CELF3: variants seen among roughly 807,000 people sequenced by gnomAD.
CELF3 encodes the protein CAG repeat domain.
CELF3 carries 26 observed loss-of-function variants against 59.6 expected under a neutral mutation model. The ratio of observed to expected loss-of-function variants is 0.44; its 90% CI spans 0.32 to 0.61. The LOEUF (loss-of-function observed/expected upper bound fraction) is 0.61. Ranked by LOEUF, CELF3 falls within the 20% of genes least tolerant of loss-of-function variation. CELF3 has a pLI of 0.06. For synonymous variants in CELF3, 245 were observed against 250.7 expected, an observed-to-expected ratio of 0.98 and a Z score of 0.22; for missense variants, 387 against 627.2, an observed-to-expected ratio of 0.62 and a Z score of 4.09.
At chr1:151,707,999 C>G in intron 5 of CELF3, 64 bp from the exon 6 acceptor site, 1 of 1,532,438 alleles carries the variant, frequency 6.5e-7, no homozygotes, top group Non-Finnish European at 8.8e-7. Flanking sequence ...CCAAAGCCCT[C>G]AGGACCTGGT....
chr1:151,708,005 C>G, intron 5 of CELF3, 70 bp from the exon 6 acceptor site: 1 of 1,518,460 alleles, frequency 6.6e-7, no homozygotes, highest in Non-Finnish European at 8.9e-7. Flanking sequence ...CCCTCAGGAC[C>G]TGGTCTCCAT....
chr1:151,708,449 G>T, intron 5 of CELF3: 1 of 178,840 alleles, frequency 5.6e-6, no homozygotes, highest in Non-Finnish European at 1.2e-5. Flanking sequence ...AAGGGGCATA[G>T]GGTCATTGGA....
chr1:151,714,386 T>C, intron 2 of CELF3: 1 of 635,040 alleles, frequency 1.6e-6, no homozygotes, highest in Non-Finnish European at 2.9e-6. Flanking sequence ...AAAGTCATGT[T>C]TACGCCACTA....
chr1:151,709,556 A>C lies in CELF3; in HGVS notation c.277+187T>G, dbSNP rs1290314342. 5.5e-6 allele frequency: 5 copies of C among 912,930 alleles called. No homozygotes were observed. The highest frequency in any genetic ancestry group is 8.5e-6 in the Non-Finnish European group (5 of 588,150). 56.6% of individuals were successfully genotyped at this position (912,930 alleles called of 1,614,324 possible). ...GGACTCGCACTCCACCCTGGGCCTC[A>C]GTTTTGCCATCTGTACCCGCCCCAG... On this transcript the variant is annotated intron_variant, in intron 3 of 12. Coordinates refer to ENST00000290583, the MANE Select transcript of CELF3 (RefSeq NM_007185.7). This position sits in a 1 kb window ranked among gnomAD's most constrained non-coding sequence, Gnocchi z 4.9.
rs115018416 is a variant in CELF3 at position 151,710,624 on chromosome 1, T to C, written c.229-833A>G. On this transcript the variant is annotated intron_variant, in intron 2 of 12. Transcript: ENST00000290583. ...CCCATCCCTTCTCCTGCCTCCCTCCTCCAGAGCAAATCCTTGGTGCCTGGA... is the reference window on the plus strand; with the variant it reads ...CCCATCCCTTCTCCTGCCTCCCTCCCCCAGAGCAAATCCTTGGTGCCTGGA... 1,383 of 456,402 alleles carry C rather than the reference T, an allele frequency of 3.0e-3. 18 individuals are homozygous for C. The highest frequency in any genetic ancestry group is 0.024 in the African/African-American group (1,225 of 50,174). The allele number at this position is 456,402 out of a possible 1,614,324, so 28.3% of individuals were successfully genotyped here.
intron 1 of CELF3, among the ~76,000 whole-genome samples, chr1:151,715,141 G>A (rs1673367318): frequency 6.6e-6 from 1 of 152,060 alleles, no homozygotes; most frequent in African/African-American, 2.4e-5. Context: ...GAGAAGGGAA[G>A]GGAAGAACAG....
At position 151,714,692 on chromosome 1, in the gene CELF3, G is replaced by A. The variant is rs1411963393; in HGVS notation, c.146-16C>T. On this transcript the variant is annotated splice_polypyrimidine_tract_variant and intron_variant, in intron 1 of 12. Transcript: ENST00000290583. The stretch of plus-strand genomic sequence containing the variant: ...AAGGCACATCCTGAGGAGGGGCAGG[G>A]GCAGAGAAACACGGCGGGGGGTGAG... 6.5e-7 allele frequency: 1 copy of A among 1,547,736 alleles called. No homozygotes were observed. Among genetic ancestry groups the A allele is most frequent in the Non-Finnish European group, 8.8e-7 (1 of 1,142,812 alleles).
chr1:151,707,264 G>A lies in CELF3; in HGVS notation c.803C>T (p.Thr268Met), dbSNP rs747599791. 7 of 1,569,256 alleles carry A rather than the reference G, an allele frequency of 4.5e-6. No individual in the cohort carries two copies. The highest frequency in any genetic ancestry group is 1.9e-5 in the Admixed American group (1 of 51,282). The part of the protein sequence containing the change: ...GTSTPPAIAA[T>M]PVSAIPAALG... ...GGCAGCCGGAATGGCAGAGACAGGC[G>A]TGGCAGCGATGGCAGGAGGGGTGCT... The change falls in exon 8 of 13, where the codon ACG becomes ATG. Residue 268 changes from threonine (T) to methionine (M), a missense_variant. This residue lies in a region of CELF3 where 131 missense variants were observed against 153.7 expected (regional missense o/e 0.85). Transcript: ENST00000290583.
chr1:151,708,691 G>A (rs1447564256), intron 5 of CELF3, among the ~76,000 whole-genome samples: 2 of 151,970 alleles, frequency 1.3e-5, no homozygotes, highest in Non-Finnish European at 2.9e-5. Context: ...CAGCAAATGA[G>A]GGTAGGGGGA....
intron 12 of CELF3, 61 bp from the exon 13 acceptor site, chr1:151,703,509 T>C: frequency 3.4e-6 from 1 of 295,968 alleles, no homozygotes; most frequent in Non-Finnish European, 6.9e-6. Context: ...GATCACGGGC[T>C]CTGGGGGAGG....
At chr1:151,706,544 G>T in intron 9 of CELF3, 125 bp downstream of exon 9, 1 of 1,248,362 alleles carries the variant, frequency 8.0e-7, no homozygotes. Flanking sequence ...CCACAGTTGG[G>T]CTTGTCAGTA....
At chr1:151,706,841 T>G in intron 8 of CELF3, 107 bp from the exon 9 acceptor site, 1 of 850,428 alleles carries the variant, frequency 1.2e-6, no homozygotes, top group Non-Finnish European at 1.8e-6. Context: ...GAGCAGAGCT[T>G]CTCTGGGCAT....
Position 151,700,942 on chromosome 1 carries a change from G to A in CELF3, c.*2517C>T, listed in dbSNP as rs190605690. The A allele has an allele frequency of 1.3e-5, 2 of 152,284 alleles. No homozygotes were observed. Among genetic ancestry groups the A allele is most frequent in the Non-Finnish European group, 2.9e-5 (2 of 68,020 alleles). The allele number at this position is 152,284 out of a possible 1,614,324, so 9.4% of individuals were successfully genotyped here. A position where few individuals can be genotyped will look rare whatever the true frequency, so the allele number is the denominator to read the frequency against. On this transcript the variant is annotated 3_prime_UTR_variant, in exon 13 of 13. Coordinates refer to ENST00000290583, the MANE Select transcript of CELF3 (RefSeq NM_007185.7). ...TTACTAAGCAATGTCTAATATTTGG[G>A]GCACTGTTTAGGGTGACCAGGATAC...
chr1:151,709,464 A>G lies in CELF3; in HGVS notation c.278-116T>C, dbSNP rs1393994275. On this transcript the variant is annotated intron_variant, in intron 3 of 12. Coordinates refer to ENST00000290583, the MANE Select transcript of CELF3 (RefSeq NM_007185.7). The surrounding 1 kb of genome is among the most constrained non-coding windows in gnomAD (Gnocchi z 4.9). ...CTACTTCTGCTACCCTTAGGGTCCA[A>G]TGGCTGTAGGGGCTGATGGTTGGGG... 2.1e-6 allele frequency: 3 copies of G among 1,426,974 alleles called. No individual in the cohort carries two copies. Among genetic ancestry groups the G allele is most frequent in the East Asian group, 4.6e-5 (2 of 43,832 alleles). 88.4% of individuals were successfully genotyped at this position (1,426,974 alleles called of 1,614,324 possible). A position where few individuals can be genotyped will look rare whatever the true frequency, so the allele number is the denominator to read the frequency against.
At chr1:151,708,099 C>T in intron 5 of CELF3, 164 bp from the exon 6 acceptor site, 1 of 700,388 alleles carries the variant, frequency 1.4e-6, no homozygotes, top group Non-Finnish European at 2.3e-6. Context: ...TAATCCCACT[C>T]TCTCCCTATG....
At position 151,705,019 on chromosome 1, in the gene CELF3, A is replaced by G. The variant is rs975255697; in HGVS notation, c.*10+12T>C. 1 of 1,605,044 alleles carries G rather than the reference A, an allele frequency of 6.2e-7. No homozygotes were observed. The highest frequency in any genetic ancestry group is 1.3e-5 in the African/African-American group (1 of 74,868). On this transcript the variant is annotated intron_variant, in intron 12 of 12. Coordinates refer to ENST00000290583, the MANE Select transcript of CELF3 (RefSeq NM_007185.7). The surrounding 1 kb of genome is among the most constrained non-coding windows in gnomAD (Gnocchi z 5.1). Reference sequence around the variant, plus strand: ...AAGCTGGGGAGGGAGGCCACAACGGAGCGGGACCCACCTGGGGGCCCTCAG... The same window carrying G: ...AAGCTGGGGAGGGAGGCCACAACGGGGCGGGACCCACCTGGGGGCCCTCAG...
intron 12 of CELF3, among the ~76,000 whole-genome samples, chr1:151,703,795 G>A (rs1052728315): frequency 6.6e-6 from 1 of 152,158 alleles, no homozygotes; most frequent in Admixed American, 6.5e-5. Context: ...ACAGAGAAGG[G>A]GGTGCGTGTA....
intron 2 of CELF3, among the ~76,000 whole-genome samples, chr1:151,713,893 A>G (rs951812214): frequency 3.3e-5 from 5 of 152,128 alleles, no homozygotes; most frequent in Non-Finnish European, 7.4e-5. Context: ...ACACAAAGAG[A>G]TAGGACCTTG....
rs746113287 is a variant in CELF3, at chr1:151,706,246, T to TTGC, written c.1101_1103dup (p.Gln373dup). ...CACCTTCTCTTTGCTGCTGCTGCTGTTGCTGCTGCTGCTGCTGCTGCTGCT... is the reference window on the plus strand; with the variant it reads ...CACCTTCTCTTTGCTGCTGCTGCTGTTGCTGCTGCTGCTGCTGCTGCTGCTGCT... On this transcript the variant is annotated inframe_insertion, in exon 10 of 13. Transcript: ENST00000290583. The TTGC allele has an allele frequency of 1.2e-3, 1,901 of 1,597,598 alleles. 7 individuals carry two copies. The African/African-American group carries it at 0.016, about 13-fold the overall frequency.
Sources: gnomAD v4.1 joint callset for allele counts (sites outside exome capture counted in the v4.1 genomes callset) on GRCh38, gnomAD v4.1.1 for gene constraint, gnomAD v4.1.1 regional missense constraint, Gnocchi (gnomAD v3.1) non-coding constraint, MANE v1.5 for transcripts, NCBI Gene and HGNC (gene_info 2026-07-23, HGNC 2026-07-21) for gene names.